Variants in SEPTIN3 observed in about 807,000 individuals in gnomAD.
SEPTIN3 encodes neuronal-specific septin-3.
In SEPTIN3, 15 loss-of-function variants were observed where a neutral mutation model predicts 45.1. That is an observed-to-expected ratio of 0.33 (90% CI 0.22 to 0.51). The LOEUF (loss-of-function observed/expected upper bound fraction) is 0.51. SEPTIN3 is among the 20% of genes least tolerant of loss of function. The pLI, the probability that SEPTIN3 is intolerant of heterozygous loss-of-function variation, is 0.97. For missense variants in SEPTIN3, 289 were observed against 457.2 expected, an observed-to-expected ratio of 0.63 and a Z score of 3.35; for synonymous variants, 148 against 164.8, an observed-to-expected ratio of 0.90 and a Z score of 0.78.
At position 41,972,084 on chromosome 22, in the gene SEPTIN3, C is replaced by T. The variant is rs1448813820; in HGVS notation, c.592C>T (p.Arg198Trp). The T allele has an allele frequency of 3.5e-5, 14 of 398,974 alleles. No homozygotes were observed. The highest frequency in any genetic ancestry group is 5.3e-5 in the Non-Finnish European group (12 of 226,116). The allele number at this position is 398,974 out of a possible 1,614,324, so 24.7% of individuals were successfully genotyped here. Residue 198 changes from arginine to tryptophan, a missense_variant, in exon 2 of 12, where the codon CGG (arginine) becomes TGG (tryptophan). Arg to Trp is a moderately radical substitution (Grantham distance 101). Around this residue, in one of 3 missense-constraint regions of SEPTIN3, gnomAD observed 200 missense variants for 315.1 expected, o/e 0.63. Transcript: ENST00000644076. Reference sequence around the variant, plus strand: ...CTACCTAGCCTTACCTTTCCAATCCCGGTTAGCCCAGAGTGCACCAGTCCT... The same window carrying T: ...CTACCTAGCCTTACCTTTCCAATCCTGGTTAGCCCAGAGTGCACCAGTCCT... ...SSYLALPFQS[R>W]LAQSAPVLAE...
chr22:41,987,064 G>A (rs1464222869), intron 4 of SEPTIN3, 142 bp from the exon 5 acceptor site: 6 of 577,610 alleles, frequency 1.0e-5, no homozygotes, highest in East Asian at 8.7e-5. Flanking sequence ...CCATGATATC[G>A]AGATGGAAAA....
At chr22:41,973,994 G>A (rs1205649803) in intron 2 of SEPTIN3, among the ~76,000 whole-genome samples, 1 of 151,514 alleles carries the variant, frequency 6.6e-6, no homozygotes, top group Non-Finnish European at 1.5e-5. Context: ...AATAAAATAA[G>A]ATAAAATAAA....
intron 11 of SEPTIN3, chr22:41,995,546 T>G (rs1282259946): frequency 1.2e-5 from 12 of 985,124 alleles, no homozygotes; most frequent in Non-Finnish European, 1.4e-5. Flanking sequence ...CTCCCTCTCC[T>G]GCGTGTCTCT....
intron 2 of SEPTIN3, among the ~76,000 whole-genome samples, chr22:41,975,208 C>G (rs2078006124): frequency 6.6e-6 from 1 of 152,146 alleles, no homozygotes; most frequent in African/African-American, 2.4e-5. Flanking sequence ...TCTTAGAAAG[C>G]CTGTGACATG....
chr22:41,977,016 C>G (rs1160792293), intron 2 of SEPTIN3: 7 of 1,583,352 alleles, frequency 4.4e-6, no homozygotes, highest in Admixed American at 3.5e-5. Flanking sequence ...AGCCTTGCAG[C>G]CCCGCGCCCG....
Position 41,972,388 on chromosome 22 carries a change from C to G in SEPTIN3, c.896C>G (p.Ala299Gly), listed in dbSNP as rs992169123. The G allele has an allele frequency of 2.5e-6, 1 of 399,026 alleles. No homozygotes were observed. Among genetic ancestry groups the G allele is most frequent in the Non-Finnish European group, 4.4e-6 (1 of 226,114 alleles). The allele number at this position is 399,026 out of a possible 1,614,324, so 24.7% of individuals were successfully genotyped here. Residue 299 changes from alanine (A) to glycine (G), a missense_variant, in exon 2 of 12, where the codon GCC (alanine) becomes GGC (glycine). Coordinates refer to ENST00000644076, the MANE Select transcript of SEPTIN3 (RefSeq NM_001363845.2). The stretch of plus-strand genomic sequence containing the variant: ...CTGGACACAGGCACAGAGTTCCCTG[C>G]CCTGGATATCAAGCTGGGCACAGCC... ...SQLDTGTEFP[A>G]LDIKLGTARD... is the part of the protein sequence containing the mutation.
chr22:41,979,393 C>G (rs760406868), intron 2 of SEPTIN3, among the ~76,000 whole-genome samples: 3 of 152,186 alleles, frequency 2.0e-5, no homozygotes, highest in African/African-American at 4.8e-5. Context: ...GACCACCCCC[C>G]CAAACCATGT....
rs937646625 is a variant in SEPTIN3, at chr22:41,976,934, T to C, written c.1504+3938T>C. 3 of 632,124 alleles carry C rather than the reference T, an allele frequency of 4.7e-6. No individual in the cohort carries two copies. The highest frequency in any genetic ancestry group is 4.1e-5 in the African/African-American group (2 of 48,522). The allele number at this position is 632,124 out of a possible 1,614,324, so 39.2% of individuals were successfully genotyped here. A position where few individuals can be genotyped will look rare whatever the true frequency, so the allele number is the denominator to read the frequency against. On this transcript the variant is annotated intron_variant, in intron 2 of 11. Coordinates refer to ENST00000644076, the MANE Select transcript of SEPTIN3 (RefSeq NM_001363845.2). The surrounding 1 kb of genome is among the most constrained non-coding windows in gnomAD (Gnocchi z 5.8). ...GCGGCGGGGCCGCGGGCCGGGCGGG[T>C]GGGAGGAGAGCGCGAAGGGGCGAGG...
At chr22:41,987,357 C>G in intron 5 of SEPTIN3, 70 bp downstream of exon 5, 1 of 1,407,640 alleles carries the variant, frequency 7.1e-7, no homozygotes, top group Non-Finnish European at 9.9e-7. Context: ...GGTGCAGATT[C>G]ATTCACGTTG....
At chr22:41,983,980 C>T (rs1418092080) in intron 3 of SEPTIN3, among the ~76,000 whole-genome samples, 2 of 152,142 alleles carry the variant, frequency 1.3e-5, no homozygotes, top group Non-Finnish European at 2.9e-5. Context: ...GAAAACATCT[C>T]AGAGCAAGCA....
At chr22:41,977,729 C>T (rs2078053251) in intron 2 of SEPTIN3, among the ~76,000 whole-genome samples, 1 of 152,038 alleles carries the variant, frequency 6.6e-6, no homozygotes, top group South Asian at 2.1e-4. Flanking sequence ...TAAGCAGGTG[C>T]TATTTTGGAA....
chr22:41,992,455 T>C (rs1424219528), intron 8 of SEPTIN3, among the ~76,000 whole-genome samples: 71 of 152,186 alleles, frequency 4.7e-4, no homozygotes, highest in Admixed American at 4.6e-3. Context: ...AGTGGTACAA[T>C]TGGGACTAGA....
intron 6 of SEPTIN3, among the ~76,000 whole-genome samples, chr22:41,989,174 GT>G (rs1286735399): frequency 1.3e-5 from 2 of 150,246 alleles, no homozygotes; most frequent in Non-Finnish European, 3.0e-5. Context: ...TTTTTTTTTG[GT>G]TGTTGTTGTT....
In SEPTIN3 at chr22:41,981,734, A is replaced by G. The variant is rs1314356336; in HGVS notation, c.1594A>G (p.Ile532Val). The part of the protein sequence containing the change: ...KPAVPMKPMS[I>V]NSNLLGYIGI... ...AGCGGTGCCCATGAAGCCCATGAGC[A>G]TCAACTCCAACCTGCTGGGCTACAT... The change falls in exon 3 of 12, where the codon ATC becomes GTC. Residue 532 changes from isoleucine (I) to valine (V), a missense_variant. Transcript: ENST00000644076. 1.2e-6 allele frequency: 2 copies of G among 1,614,082 alleles called. No individual in the cohort carries two copies. Among genetic ancestry groups the G allele is most frequent in the African/African-American group, 1.3e-5 (1 of 75,042 alleles).
intron 2 of SEPTIN3, among the ~76,000 whole-genome samples, chr22:41,977,991 C>G (rs938516012): frequency 6.6e-6 from 1 of 152,134 alleles, no homozygotes; most frequent in South Asian, 2.1e-4. Flanking sequence ...CTAGGAGAGC[C>G]AGGAGCTGAG....
chr22:41,996,827 C>G, intron 11 of SEPTIN3, 75 bp from the exon 12 acceptor site: 1 of 1,597,244 alleles, frequency 6.3e-7, no homozygotes, highest in African/African-American at 1.3e-5. Context: ...CTGAGCCTCC[C>G]TGGAGAAGGT....
intron 9 of SEPTIN3, 91 bp downstream of exon 9, chr22:41,992,854 G>A (rs2078340985): frequency 1.1e-6 from 1 of 878,460 alleles, no homozygotes; most frequent in Non-Finnish European, 1.9e-6. Context: ...CACTGTCTCA[G>A]GACATATGAA....
At chr22:41,984,843 C>CAAATGTTCTTTAGCTGTGAAACTTTT in intron 3 of SEPTIN3, among the ~76,000 whole-genome samples, 2 of 129,124 alleles carry the variant, frequency 1.5e-5, no homozygotes, top group East Asian at 2.4e-4. Flanking sequence ...CAGTGGTTTT[C>CAAATGTTCTTTAGCTGTGAAACTTTT]CCTTTTTTTT....
intron 9 of SEPTIN3, among the ~76,000 whole-genome samples, chr22:41,993,426 G>A (rs2078357254): frequency 6.6e-6 from 1 of 152,052 alleles, no homozygotes; most frequent in South Asian, 2.1e-4. Context: ...CCAGGTTCAA[G>A]TAATTCTTCT....
Sources: gnomAD v4.1 joint callset for allele counts (sites outside exome capture counted in the v4.1 genomes callset) on GRCh38, gnomAD v4.1.1 for gene constraint, gnomAD v4.1.1 regional missense constraint, Gnocchi (gnomAD v3.1) non-coding constraint, MANE v1.5 for transcripts, NCBI Gene and HGNC (gene_info 2026-07-23, HGNC 2026-07-21) for gene names.